ATP6V1B1: variants seen among roughly 807,000 people sequenced by gnomAD.
ATP6V1B1 encodes ATPase H+ transporting V1 subunit B1, also known as V-type proton ATPase subunit B, kidney isoform.
A neutral mutation model predicts 62.1 loss-of-function variants in ATP6V1B1; 41 were observed. That is an observed-to-expected ratio of 0.66 (90% CI 0.51 to 0.86). The LOEUF is 0.86. Ranked by LOEUF, ATP6V1B1 falls within the 40% of genes least tolerant of loss-of-function variation. ATP6V1B1 has a pLI of 0.00. For missense variants in ATP6V1B1, 651 were observed against 697.5 expected, an observed-to-expected ratio of 0.93 and a Z score of 0.75; for synonymous variants, 253 against 273.4, an observed-to-expected ratio of 0.93 and a Z score of 0.74.
In ATP6V1B1 at chr2:70,963,435, G is replaced by T; in HGVS notation, c.1060+123G>T. 6.5e-7 allele frequency: 1 copy of T among 1,541,760 alleles called. No homozygotes were observed. Among genetic ancestry groups the T allele is most frequent in the South Asian group, 1.1e-5 (1 of 88,378 alleles). The stretch of plus-strand genomic sequence containing the variant: ...GCAGCGCTTTTCCTCCATCGAGATA[G>T]ACACTGCCCTTTCCTCCACCATCCA... On this transcript the variant is annotated intron_variant, in intron 10 of 13. Coordinates refer to ENST00000234396, the MANE Select transcript of ATP6V1B1 (RefSeq NM_001692.4). This position sits in a 1 kb window ranked among gnomAD's most constrained non-coding sequence, Gnocchi z 4.3.
rs1235061553 is a variant in ATP6V1B1, at chr2:70,959,255, A to G, written c.445+160A>G. ...TCCACTGAACCCCAACACTGCCGTC[A>G]GCACTCCATGTCCATCCCCTGTAAA... On this transcript the variant is annotated intron_variant, in intron 5 of 13. Transcript: ENST00000234396. This position sits in a 1 kb window ranked among gnomAD's most constrained non-coding sequence, Gnocchi z 4.2. 6.6e-6 allele frequency among the ~76,000 whole-genome samples: 1 copy of G among 152,202 alleles called. No homozygotes were observed. Among genetic ancestry groups the G allele is most frequent in the African/African-American group, 2.4e-5 (1 of 41,462 alleles).
rs1553415229 is a variant in ATP6V1B1, at chr2:70,935,951, C to A, written c.-4C>A. ...ACACTGGGCTCCCAGCTGGGGACTG[C>A]TCCATGGCCATGGAGATAGACAGCA... On this transcript the variant is annotated 5_prime_UTR_variant, in exon 1 of 14. Coordinates refer to ENST00000234396, the MANE Select transcript of ATP6V1B1 (RefSeq NM_001692.4). 2 of 1,612,670 alleles carry A rather than the reference C, an allele frequency of 1.2e-6. No homozygotes were observed. Among genetic ancestry groups the A allele is most frequent in the East Asian group, 2.2e-5 (1 of 44,860 alleles).
intron 2 of ATP6V1B1, among the ~76,000 whole-genome samples, chr2:70,955,493 T>C (rs1553418916): frequency 6.6e-6 from 1 of 152,176 alleles, no homozygotes; most frequent in East Asian, 1.9e-4. Context: ...GTCCTCCCTC[T>C]CCCAGCCCCT....
At chr2:70,943,077 C>A (rs1286183397) in intron 1 of ATP6V1B1, among the ~76,000 whole-genome samples, 2 of 152,184 alleles carry the variant, frequency 1.3e-5, no homozygotes, top group African/African-American at 4.8e-5. Context: ...TCACTCCCTC[C>A]CCTCCCATGC....
intron 2 of ATP6V1B1, among the ~76,000 whole-genome samples, chr2:70,947,249 C>T (rs1553417541): frequency 6.6e-6 from 1 of 152,060 alleles, no homozygotes; most frequent in African/African-American, 2.4e-5. Context: ...TTTCAGGGTT[C>T]GTGACCCAGA....
At chr2:70,962,950 C>A in intron 9 of ATP6V1B1, 50 bp downstream of exon 9, 1 of 1,612,042 alleles carries the variant, frequency 6.2e-7, no homozygotes, top group Non-Finnish European at 8.5e-7. Flanking sequence ...CCTCCCTAAG[C>A]CTGACACCCC....
At chr2:70,951,190 G>A (rs1453897438) in intron 2 of ATP6V1B1, among the ~76,000 whole-genome samples, 2 of 151,964 alleles carry the variant, frequency 1.3e-5, no homozygotes, top group African/African-American at 2.4e-5. Context: ...TGATCTGCCC[G>A]CCTCGGCCTC....
At chr2:70,944,173 G>A (rs1553416904) in intron 2 of ATP6V1B1, 3 of 1,286,134 alleles carry the variant, frequency 2.3e-6, no homozygotes, top group Non-Finnish European at 3.0e-6. Context: ...AAATTTTCTA[G>A]GGATCTTGAT....
Position 70,964,441 on chromosome 2 carries a change from T to A in ATP6V1B1, c.1147T>A (p.Tyr383Asn). Residue 383 changes from tyrosine to asparagine, a missense_variant, in exon 12 of 14, where the codon TAC becomes AAC. Coordinates refer to ENST00000234396, the MANE Select transcript of ATP6V1B1 (RefSeq NM_001692.4). Reference protein sequence around the residue: ...VDRQLHNRQIYPPINVLPSLS... With the variant: ...VDRQLHNRQINPPINVLPSLS... ...CTCCCTTTTTCTTCTCCCTCAGATC[T>A]ACCCCCCCATCAACGTGCTCCCTTC... is the stretch of plus-strand genomic sequence containing the variant. The A allele has an allele frequency of 1.2e-6, 2 of 1,614,080 alleles. No individual in the cohort carries two copies. Among genetic ancestry groups the A allele is most frequent in the Non-Finnish European group, 1.7e-6 (2 of 1,180,006 alleles).
At chr2:70,960,531 C>T (rs1680560743) in intron 6 of ATP6V1B1, among the ~76,000 whole-genome samples, 2 of 152,252 alleles carry the variant, frequency 1.3e-5, no homozygotes, top group Admixed American at 6.5e-5. Context: ...GTGCCCCCAC[C>T]CTACTGTGAC....
Position 70,959,173 on chromosome 2 carries a change from TCA to T in ATP6V1B1, c.445+81_445+82del. 2 of 1,489,356 alleles carry T rather than the reference TCA, an allele frequency of 1.3e-6. No homozygotes were observed. Among genetic ancestry groups the T allele is most frequent in the Non-Finnish European group, 1.9e-6 (2 of 1,071,208 alleles). 92.3% of individuals were successfully genotyped at this position (1,489,356 alleles called of 1,614,324 possible). A position where few individuals can be genotyped will look rare whatever the true frequency, so the allele number is the denominator to read the frequency against. ...CCACTCTTGGAAGTTCTGCCCAGAC[TCA>T]CAAGCAGATCAGATGTGATGGGAGA... On this transcript the variant is annotated intron_variant, in intron 5 of 13. Coordinates refer to ENST00000234396, the MANE Select transcript of ATP6V1B1 (RefSeq NM_001692.4). The surrounding 1 kb of genome is among the most constrained non-coding windows in gnomAD (Gnocchi z 4.2).
chr2:70,962,278 G>A (rs1165881567), intron 8 of ATP6V1B1, among the ~76,000 whole-genome samples: 10 of 152,180 alleles, frequency 6.6e-5, no homozygotes, highest in African/African-American at 2.2e-4. Context: ...AGCACATTAG[G>A]TGTGCTTTGA....
Position 70,961,711 on chromosome 2 carries a change from C to T in ATP6V1B1, c.785+18C>T, listed in dbSNP as rs1553420153. 1.4e-5 allele frequency: 22 copies of T among 1,612,088 alleles called. No homozygotes were observed. The highest frequency in any genetic ancestry group is 4.2e-6 in the Non-Finnish European group (5 of 1,178,228). On this transcript the variant is annotated intron_variant, in intron 8 of 13. Coordinates refer to ENST00000234396, the MANE Select transcript of ATP6V1B1 (RefSeq NM_001692.4). Reference sequence around the variant, plus strand: ...GACCCCACGTGAGCTTTCCCTGATGCCCAAACTGCCCTCAGGTGGGCAGAC... The same window carrying T: ...GACCCCACGTGAGCTTTCCCTGATGTCCAAACTGCCCTCAGGTGGGCAGAC...
intron 6 of ATP6V1B1, 30 bp from the exon 7 acceptor site, chr2:70,960,891 C>T (rs373044823): frequency 5.4e-5 from 86 of 1,581,298 alleles, no homozygotes; most frequent in East Asian, 1.8e-4. Context: ...CCGACTCTGA[C>T]GTCCTCCTGC....
At chr2:70,961,163 C>T in intron 7 of ATP6V1B1, 141 bp downstream of exon 7, 1 of 857,218 alleles carries the variant, frequency 1.2e-6, no homozygotes, top group East Asian at 2.7e-5. Context: ...GGAGCAGTGA[C>T]CACGGCCATG....
At position 70,960,934 on chromosome 2, in the gene ATP6V1B1, T is replaced by C. The variant is rs781798216; in HGVS notation, c.599T>C (p.Ile200Thr). ...GLPHNEIAAQICRQAGLVKKS... is the reference protein window; with the variant it reads ...GLPHNEIAAQTCRQAGLVKKS... The stretch of plus-strand genomic sequence containing the variant: ...ACTCTGCCCTAGATTGCCGCTCAGA[T>C]CTGCCGCCAGGCGGGGCTGGTGAAG... Residue 200 changes from isoleucine (I) to threonine (T), a missense_variant, in exon 7 of 14, where the codon ATC (isoleucine) becomes ACC (threonine). Physicochemically the swap from Ile to Thr is moderately conservative, Grantham distance 89. Transcript: ENST00000234396. The C allele has an allele frequency of 5.0e-6, 8 of 1,608,840 alleles. No individual in the cohort carries two copies. In the East Asian group the frequency reaches 1.6e-4, roughly 32 times the overall value.
chr2:70,954,712 G>C (rs1335086722), intron 2 of ATP6V1B1, among the ~76,000 whole-genome samples: 1 of 152,042 alleles, frequency 6.6e-6, no homozygotes, highest in African/African-American at 2.4e-5. Flanking sequence ...CAACCTCCTA[G>C]GTTCAAGTGA....
At chr2:70,951,366 AC>A (rs1680319954) in intron 2 of ATP6V1B1, among the ~76,000 whole-genome samples, 1 of 152,118 alleles carries the variant, frequency 6.6e-6, no homozygotes, top group African/African-American at 2.4e-5. Context: ...CTGATACAAT[AC>A]TTTAATCTAC....
At chr2:70,942,183 A>G in intron 1 of ATP6V1B1, 1 of 468,176 alleles carries the variant, frequency 2.1e-6, no homozygotes, top group Non-Finnish European at 3.4e-6. Flanking sequence ...TGAAGGAAGC[A>G]GGGACACCTC....
Sources: gnomAD v4.1 joint callset for allele counts (sites outside exome capture counted in the v4.1 genomes callset) on GRCh38, gnomAD v4.1.1 for gene constraint, Gnocchi (gnomAD v3.1) non-coding constraint, MANE v1.5 for transcripts, NCBI Gene and HGNC (gene_info 2026-07-23, HGNC 2026-07-21) for gene names.